The following MEGF9 variants were observed in gnomAD, a reference collection of about 807,000 sequenced individuals.
MEGF9 encodes multiple epidermal growth factor-like domains protein 9.
MEGF9 carries 6 observed loss-of-function variants against 46.8 expected under a neutral mutation model. That is an observed-to-expected ratio of 0.13 (90% CI 0.07 to 0.25). The LOEUF (loss-of-function observed/expected upper bound fraction) is 0.25, where lower values mean the gene tolerates loss of function less well. Ranked by LOEUF, MEGF9 falls within the 10% of genes least tolerant of loss-of-function variation. The pLI is 1.00. For synonymous variants in MEGF9, 302 were observed against 330.7 expected, an observed-to-expected ratio of 0.91 and a Z score of 0.94; for missense variants, 683 against 792.4, an observed-to-expected ratio of 0.86 and a Z score of 1.66.
rs538976022 is a variant in MEGF9 at position 120,696,120 on chromosome 9, AACTG to A, written c.601+17634_601+17637del. ...TCAGTGGCATATATTCAATGGACAC[AACTG>A]ACTATTACCTCTAACTCCGTGGCCT... On this transcript the variant is annotated intron_variant, in intron 1 of 5. Transcript: ENST00000373930. 2.4e-3 allele frequency among the ~76,000 whole-genome samples: 359 copies of A among 152,336 alleles called. 2 individuals are homozygous for A. The highest frequency in any genetic ancestry group is 8.3e-3 in the African/African-American group (346 of 41,580).
At chr9:120,675,864 G>A (rs1339807959) in intron 1 of MEGF9, among the ~76,000 whole-genome samples, 2 of 117,554 alleles carry the variant, frequency 1.7e-5, no homozygotes, top group Non-Finnish European at 3.2e-5. Flanking sequence ...CTCCAGCCTG[G>A]CCGACAGAGC....
At chr9:120,713,042 T>A (rs2043960445) in intron 1 of MEGF9, among the ~76,000 whole-genome samples, 1 of 152,192 alleles carries the variant, frequency 6.6e-6, no homozygotes, top group African/African-American at 2.4e-5. Context: ...AAATGGTGTA[T>A]TTGGCCAAAC....
chr9:120,612,449 T>G lies in MEGF9; in HGVS notation c.1034A>C (p.Glu345Ala), dbSNP rs62639984. The change falls in exon 4 of 6, where the codon GAA becomes GCA. Residue 345 changes from glutamate to alanine, a missense_variant. Glu to Ala is a moderately radical substitution (Grantham distance 107, BLOSUM62 -1). This residue lies in a region of MEGF9 where 313 missense variants were observed against 421.1 expected (regional missense o/e 0.74). Transcript: ENST00000373930. ...TGCTGAACAAGGGCAGCGAAGACATTCTTTAGTGGCATCAGGACTCTGATA... is the reference window on the plus strand; with the variant it reads ...TGCTGAACAAGGGCAGCGAAGACATGCTTTAGTGGCATCAGGACTCTGATA... The part of the protein sequence containing the change: ...GFYQSPDATK[E>A]CLRCPCSAVT... 1.5e-4 allele frequency: 243 copies of G among 1,613,724 alleles called. 1 individual carries two copies. The African/African-American group carries it at 2.8e-3, about 18-fold the overall frequency.
intron 2 of MEGF9, among the ~76,000 whole-genome samples, chr9:120,624,362 G>A (rs2043514251): frequency 1.3e-5 from 2 of 152,034 alleles, no homozygotes; most frequent in Admixed American, 1.3e-4. Flanking sequence ...CAAGTAGCTG[G>A]GACTACAGGT....
intron 1 of MEGF9, among the ~76,000 whole-genome samples, chr9:120,692,340 GTT>G (rs2132338665): frequency 6.6e-6 from 1 of 152,232 alleles, no homozygotes; most frequent in Non-Finnish European, 1.5e-5. Context: ...GGTTTCAAAT[GTT>G]TGCTTAATAA....
chr9:120,652,543 TAG>T (rs2043658072), intron 2 of MEGF9, among the ~76,000 whole-genome samples: 3 of 135,958 alleles, frequency 2.2e-5, no homozygotes, highest in Non-Finnish European at 4.7e-5. Context: ...ATTCAACTAG[TAG>T]AGAGTTATTG....
intron 1 of MEGF9, among the ~76,000 whole-genome samples, chr9:120,668,479 A>T (rs2043735092): frequency 6.6e-6 from 1 of 152,246 alleles, no homozygotes. Flanking sequence ...CTTCAACTTT[A>T]GGGTAGCCAT....
In MEGF9 at chr9:120,695,539, G is replaced by A. The variant is rs539464748; in HGVS notation, c.601+18219C>T. The stretch of plus-strand genomic sequence containing the variant: ...GAATCGCTTGAATCTGGGAGGCGGA[G>A]GTTGCAGTGAGCCCAGATCACACCA... On this transcript the variant is annotated intron_variant, in intron 1 of 5. Transcript: ENST00000373930. 7.4e-5 allele frequency among the ~76,000 whole-genome samples: 11 copies of A among 147,676 alleles called. No homozygotes were observed. In the South Asian group the frequency reaches 2.4e-3, roughly 32 times the overall value.
chr9:120,605,275 G>A lies in MEGF9; in HGVS notation c.1724C>T (p.Ser575Leu), dbSNP rs1264177082. The change falls in exon 6 of 6, where the codon TCG (serine) becomes TTG (leucine). Residue 575 changes from serine (S) to leucine (L), a missense_variant. Ser to Leu is a moderately radical substitution (Grantham distance 145, BLOSUM62 -2). This residue lies in a region of MEGF9 where 313 missense variants were observed against 421.1 expected (regional missense o/e 0.74). Transcript: ENST00000373930. This position sits in a 1 kb window ranked among gnomAD's most constrained non-coding sequence, Gnocchi z 4.0. Reference protein sequence around the residue: ...YHDSIPNADVSGLLEDDGNEV... With the variant: ...YHDSIPNADVLGLLEDDGNEV... ...ATTGCCATCATCTTCCAACAATCCC[G>A]AAACATCTGCATTGGGAATGCTGTC... The A allele has an allele frequency of 1.2e-6, 2 of 1,613,988 alleles. No homozygotes were observed. The highest frequency in any genetic ancestry group is 2.2e-5 in the East Asian group (1 of 44,872).
chr9:120,607,867 T>C lies in MEGF9; in HGVS notation c.1231A>G (p.Thr411Ala). 6.2e-7 allele frequency: 1 copy of C among 1,613,808 alleles called. No individual in the cohort carries two copies. Among genetic ancestry groups the C allele is most frequent in the Non-Finnish European group, 8.5e-7 (1 of 1,179,844 alleles). The stretch of plus-strand genomic sequence containing the variant: ...CTCTCGGGCTTACAAATCTTTGGAG[T>C]TTTAACTGGGTCCACATGGCCGTGA... ...QCHGHVDPVK[T>A]PKICKPESGE... The change falls in exon 5 of 6, where the codon ACT becomes GCT. Residue 411 changes from threonine to alanine, a missense_variant. Thr to Ala is a moderately conservative substitution (Grantham distance 58). Coordinates refer to ENST00000373930, the MANE Select transcript of MEGF9 (RefSeq NM_001080497.3).
At chr9:120,654,900 A>C (rs2043669536) in intron 2 of MEGF9, among the ~76,000 whole-genome samples, 1 of 152,216 alleles carries the variant, frequency 6.6e-6, no homozygotes, top group Non-Finnish European at 1.5e-5. Flanking sequence ...TAAGTAAAAA[A>C]TAAAATTTTA....
At chr9:120,666,390 ATAT>A (rs1377211072) in intron 1 of MEGF9, among the ~76,000 whole-genome samples, 3 of 152,190 alleles carry the variant, frequency 2.0e-5, no homozygotes, top group Non-Finnish European at 4.4e-5. Flanking sequence ...CACAATGCAA[ATAT>A]TATAGGAACA....
rs1030305840 is a variant in MEGF9 at position 120,626,672 on chromosome 9, G to T, written c.804-3917C>A. Among the ~76,000 whole-genome samples, 10 of 152,292 alleles carry T rather than the reference G, an allele frequency of 6.6e-5. No individual in the cohort carries two copies. In the East Asian group the frequency reaches 1.2e-3, roughly 18 times the overall value. ...TTTTACAGTCACATTGATTAGGTGGGATGGGTATAATACAGGAAAGGAGTA... is the reference window on the plus strand; with the variant it reads ...TTTTACAGTCACATTGATTAGGTGGTATGGGTATAATACAGGAAAGGAGTA... On this transcript the variant is annotated intron_variant, in intron 2 of 5. Coordinates refer to ENST00000373930, the MANE Select transcript of MEGF9 (RefSeq NM_001080497.3).
intron 2 of MEGF9, among the ~76,000 whole-genome samples, chr9:120,653,656 G>A (rs924834356): frequency 1.3e-5 from 2 of 152,260 alleles, no homozygotes; most frequent in African/African-American, 4.8e-5. Flanking sequence ...ACAGGCGTGG[G>A]CCACCGCGCC....
At chr9:120,663,303 T>G (rs746262779) in intron 1 of MEGF9, among the ~76,000 whole-genome samples, 13 of 152,184 alleles carry the variant, frequency 8.5e-5, no homozygotes, top group Admixed American at 8.5e-4. Flanking sequence ...GTTAAATGAA[T>G]AGTATAAGCA....
At chr9:120,655,122 C>T (rs2043670627) in intron 2 of MEGF9, among the ~76,000 whole-genome samples, 1 of 152,072 alleles carries the variant, frequency 6.6e-6, no homozygotes, top group Non-Finnish European at 1.5e-5. Context: ...CCTAAGTGTG[C>T]AGACTTTATA....
chr9:120,626,542 T>C (rs1456418653), intron 2 of MEGF9, among the ~76,000 whole-genome samples: 1 of 152,214 alleles, frequency 6.6e-6, no homozygotes, highest in East Asian at 1.9e-4. Context: ...TGGTGTATCA[T>C]CTCAAGATAT....
At chr9:120,659,238 A>G in intron 2 of MEGF9, 136 bp downstream of exon 2, 1 of 549,370 alleles carries the variant, frequency 1.8e-6, no homozygotes, top group South Asian at 3.3e-5. Flanking sequence ...TAAGAGAATA[A>G]AAGTATATAA....
chr9:120,675,387 A>G (rs1408624369), intron 1 of MEGF9, among the ~76,000 whole-genome samples: 1 of 151,956 alleles, frequency 6.6e-6, no homozygotes, highest in Non-Finnish European at 1.5e-5. Flanking sequence ...GGAGTTCAAT[A>G]CTAGCCTGGG....
Sources: gnomAD v4.1 joint callset for allele counts (sites outside exome capture counted in the v4.1 genomes callset) on GRCh38, gnomAD v4.1.1 for gene constraint, gnomAD v4.1.1 regional missense constraint, Gnocchi (gnomAD v3.1) non-coding constraint, MANE v1.5 for transcripts, NCBI Gene and HGNC (gene_info 2026-07-23, HGNC 2026-07-21) for gene names.